HAT1: variants seen among roughly 807,000 people sequenced by gnomAD.
HAT1 encodes histone acetyltransferase 1.
In HAT1, 20 loss-of-function variants were observed where a neutral mutation model predicts 56.6. The observed-to-expected ratio is 0.35, with a 90% CI of 0.25 to 0.51. HAT1 has a LOEUF of 0.51. Ranked by LOEUF, HAT1 falls within the 20% of genes least tolerant of loss-of-function variation. The pLI, the probability that HAT1 is intolerant of heterozygous loss-of-function variation, is 0.95. For missense variants in HAT1, 408 were observed against 504.3 expected, an observed-to-expected ratio of 0.81 and a Z score of 1.83; for synonymous variants, 146 against 165.5, an observed-to-expected ratio of 0.88 and a Z score of 0.91.
chr2:171,950,813 G>A (rs1687288820), intron 3 of HAT1, among the ~76,000 whole-genome samples: 1 of 150,298 alleles, frequency 6.7e-6, no homozygotes, highest in Non-Finnish European at 1.5e-5. Context: ...CTTAATGTGT[G>A]TTTTGTTTTG....
At chr2:171,940,417 G>A (rs1686990685) in intron 2 of HAT1, among the ~76,000 whole-genome samples, 1 of 152,112 alleles carries the variant, frequency 6.6e-6, no homozygotes, top group South Asian at 2.1e-4. Flanking sequence ...TCTAGTTATG[G>A]TATGAGCCTA....
chr2:171,956,172 T>C (rs2105328237), intron 4 of HAT1, among the ~76,000 whole-genome samples: 1 of 111,128 alleles, frequency 9.0e-6, no homozygotes, highest in East Asian at 2.6e-4. Context: ...AGTGAGACCC[T>C]GTCTTTAAAA....
intron 8 of HAT1, among the ~76,000 whole-genome samples, chr2:171,970,457 A>G (rs1005340083): frequency 7.0e-6 from 1 of 143,384 alleles, no homozygotes; most frequent in African/African-American, 2.7e-5. Context: ...ACACACATAC[A>G]CTAAATGTTA....
chr2:171,949,884 CA>C (rs1687261343), intron 3 of HAT1, among the ~76,000 whole-genome samples: 1 of 152,092 alleles, frequency 6.6e-6, no homozygotes, highest in South Asian at 2.1e-4. Flanking sequence ...CCAGATTTGG[CA>C]AGTGGCCACC....
In HAT1 at chr2:171,922,507, G is replaced by C; in HGVS notation, c.7G>C (p.Gly3Arg). Reference protein sequence around the residue: MAGFGAMEKFLVE... With the variant: MARFGAMEKFLVE... ...GGGTGATCGTAGCTCGGAAATGGCG[G>C]GTAAGTTACCGGGAAAAGTTTACCA... The change falls in exon 1 of 11, where the codon GGA becomes CGA. Residue 3 changes from glycine to arginine, a missense_variant and splice_region_variant. Transcript: ENST00000264108. The C allele has an allele frequency of 7.6e-7, 1 of 1,319,260 alleles. No individual in the cohort carries two copies. The highest frequency in any genetic ancestry group is 3.0e-5 in the Admixed American group (1 of 32,830). The allele number at this position is 1,319,260 out of a possible 1,614,324, so 81.7% of individuals were successfully genotyped here.
chr2:171,947,968 CT>C (rs1687213103), intron 3 of HAT1, among the ~76,000 whole-genome samples: 1 of 152,152 alleles, frequency 6.6e-6, no homozygotes, highest in Non-Finnish European at 1.5e-5. Context: ...GAAATAGTTA[CT>C]TTTTTAAAAA....
intron 2 of HAT1, among the ~76,000 whole-genome samples, chr2:171,930,205 C>G (rs1444821064): frequency 6.6e-6 from 1 of 152,116 alleles, no homozygotes; most frequent in East Asian, 1.9e-4. Context: ...CATGTTCTCA[C>G]TTTGTCACCG....
intron 9 of HAT1, among the ~76,000 whole-genome samples, chr2:171,977,576 T>G (rs1247108453): frequency 7.9e-6 from 1 of 126,344 alleles, no homozygotes; most frequent in Admixed American, 8.2e-5. Flanking sequence ...TTTTTTTTTT[T>G]TTTAATGGTG....
intron 2 of HAT1, among the ~76,000 whole-genome samples, chr2:171,928,640 C>G (rs1686658734): frequency 6.6e-6 from 1 of 152,126 alleles, no homozygotes; most frequent in Non-Finnish European, 1.5e-5. Flanking sequence ...TCTGGAGTAG[C>G]TGGGATTACA....
At chr2:171,936,981 G>T (rs969302754) in intron 2 of HAT1, among the ~76,000 whole-genome samples, 3 of 152,100 alleles carry the variant, frequency 2.0e-5, no homozygotes, top group African/African-American at 4.8e-5. Context: ...TTGAGATAGG[G>T]TCTGGCTCTG....
intron 8 of HAT1, among the ~76,000 whole-genome samples, chr2:171,971,185 G>A (rs147889811): frequency 1.4e-4 from 22 of 152,252 alleles, no homozygotes; most frequent in African/African-American, 5.1e-4. Context: ...GTGACAGAGC[G>A]AGACTCCGTC....
chr2:171,983,070 C>A, intron 10 of HAT1, 115 bp from the exon 11 acceptor site: 3 of 554,178 alleles, frequency 5.4e-6, no homozygotes, highest in East Asian at 3.0e-5. Flanking sequence ...CATTGTGGGA[C>A]AAGTTTGGGC....
At chr2:171,966,632 G>T in intron 7 of HAT1, 119 bp downstream of exon 7, 1 of 660,618 alleles carries the variant, frequency 1.5e-6, no homozygotes, top group Non-Finnish European at 2.7e-6. Context: ...ATTATTCATG[G>T]GCTATGTACT....
chr2:171,979,396 CT>C (rs1688076214), intron 10 of HAT1, 33 bp downstream of exon 10: 1 of 988,854 alleles, frequency 1.0e-6, no homozygotes, highest in African/African-American at 1.6e-5. Context: ...ACACTGTATT[CT>C]TTTCACTGTT....
At chr2:171,965,955 G>A in intron 6 of HAT1, 47 bp downstream of exon 6, 1 of 1,542,852 alleles carries the variant, frequency 6.5e-7, no homozygotes, top group Non-Finnish European at 8.8e-7. Flanking sequence ...CCTCCACAAA[G>A]CCAGCATTTT....
At chr2:171,937,111 C>A (rs754716448) in intron 2 of HAT1, among the ~76,000 whole-genome samples, 4 of 152,050 alleles carry the variant, frequency 2.6e-5, no homozygotes, top group Admixed American at 6.6e-5. Flanking sequence ...TGTGCCACCA[C>A]GCCCAGTGAA....
At chr2:171,979,662 G>T (rs1192325022) in intron 10 of HAT1, 1 of 214,396 alleles carries the variant, frequency 4.7e-6, no homozygotes, top group Non-Finnish European at 9.4e-6. Flanking sequence ...ACAAACATTA[G>T]CTAGGCTTGG....
chr2:171,974,201 G>GA (rs1323383820), intron 8 of HAT1, among the ~76,000 whole-genome samples: 119 of 83,364 alleles, frequency 1.4e-3, no homozygotes, highest in East Asian at 4.5e-3. Flanking sequence ...AAGAAAAAAA[G>GA]AAAAAGAAAA....
Position 171,949,543 on chromosome 2 carries a change from C to T in HAT1, c.188+2760C>T, listed in dbSNP as rs370980806. ...ATACAAAATTAGCCAGGCTTGCTGG[C>T]GTATCCTGTAGTCCCAGCTACTTGG... On this transcript the variant is annotated intron_variant, in intron 3 of 10. Transcript: ENST00000264108. Among the ~76,000 whole-genome samples the T allele has an allele frequency of 7.9e-5, 12 of 151,832 alleles. No individual in the cohort carries two copies. The East Asian group carries it at 1.4e-3, about 17-fold the overall frequency.
Sources: allele counts gnomAD v4.1 joint callset (sites outside exome capture counted in the v4.1 genomes callset), GRCh38; gene constraint gnomAD v4.1.1; transcripts MANE v1.5; gene names NCBI Gene and HGNC (gene_info 2026-07-23, HGNC 2026-07-21).